Variants in RGS22 observed in about 807,000 individuals in gnomAD.
RGS22 encodes the protein regulator of G-protein signaling 22.
Under a neutral mutation model 172.9 loss-of-function variants are expected in RGS22, and 148 were observed. That is an observed-to-expected ratio of 0.86 (90% CI 0.75 to 0.98). The LOEUF is 0.98. Among genes scored for constraint, RGS22 ranks in the 50% least tolerant of loss-of-function variants. The pLI is 0.00. For missense variants in RGS22, 1,347 were observed against 1,440.8 expected, an observed-to-expected ratio of 0.93 and a Z score of 1.05; for synonymous variants, 458 against 480.2, an observed-to-expected ratio of 0.95 and a Z score of 0.60.
At chr8:99,976,732 G>C (rs530508803) in intron 23 of RGS22, among the ~76,000 whole-genome samples, 1 of 152,190 alleles carries the variant, frequency 6.6e-6, no homozygotes, top group Admixed American at 6.5e-5. Flanking sequence ...TATAGGGAGG[G>C]TTATAGAACT....
intron 23 of RGS22, among the ~76,000 whole-genome samples, chr8:99,969,863 T>C (rs1013300484): frequency 5.9e-5 from 9 of 152,134 alleles, no homozygotes; most frequent in African/African-American, 2.2e-4. Context: ...GATTGAACTC[T>C]GCTCTGGACC....
intron 6 of RGS22, among the ~76,000 whole-genome samples, chr8:100,070,044 A>AAAAAAC (rs1554633002): frequency 7.7e-6 from 1 of 130,700 alleles, no homozygotes; most frequent in African/African-American, 2.6e-5. Flanking sequence ...AAAAAAAAAA[A>AAAAAAC]AAAACAAAAC....
intron 14 of RGS22, among the ~76,000 whole-genome samples, chr8:100,023,044 G>A (rs1817788923): frequency 6.6e-6 from 1 of 151,964 alleles, no homozygotes; most frequent in Non-Finnish European, 1.5e-5. Flanking sequence ...TAAAATTTCT[G>A]GCTTGGGAAA....
intron 17 of RGS22, 148 bp downstream of exon 17, chr8:100,003,778 A>C (rs1465639042): frequency 2.6e-5 from 16 of 617,502 alleles, no homozygotes; most frequent in Non-Finnish European, 4.1e-5. Flanking sequence ...AAAGTTACCC[A>C]TACAGATTTC....
At chr8:99,971,703 A>C (rs1053369189) in intron 23 of RGS22, among the ~76,000 whole-genome samples, 10 of 152,210 alleles carry the variant, frequency 6.6e-5, no homozygotes, top group Admixed American at 3.3e-4. Context: ...AGAACTACAA[A>C]CCACTGCTCA....
rs1338159729 is a variant in RGS22 at position 100,006,055 on chromosome 8, G to A, written c.2416C>T (p.Gln806Ter). Residue 806 changes from glutamine (Q) to a stop codon, truncating the protein, a stop_gained, in exon 16 of 28, where the codon CAG becomes TAG. Coordinates refer to ENST00000360863, the MANE Select transcript of RGS22 (RefSeq NM_015668.5). LOFTEE classifies it high-confidence loss of function. ...GAAAATGTCTCTTTATGCAAAGCCT[G>A]TAGCTTTCTGAAGTATGTGGAGTCT... ...QLDSTYFRKL[Q>*]ALHKETFSKK... 1 of 1,613,456 alleles carries A rather than the reference G, an allele frequency of 6.2e-7. No individual in the cohort carries two copies. Among genetic ancestry groups the A allele is most frequent in the South Asian group, 1.1e-5 (1 of 90,990 alleles).
At chr8:100,090,381 G>C (rs2131977034) in intron 3 of RGS22, among the ~76,000 whole-genome samples, 1 of 152,098 alleles carries the variant, frequency 6.6e-6, no homozygotes, top group African/African-American at 2.4e-5. Flanking sequence ...GGCTAGGGGA[G>C]GCAGGAAAGA....
intron 2 of RGS22, among the ~76,000 whole-genome samples, chr8:100,102,361 G>C (rs1251854781): frequency 2.0e-5 from 3 of 152,184 alleles, no homozygotes; most frequent in African/African-American, 7.2e-5. Flanking sequence ...CAATGGGTCT[G>C]ATATCTACCA....
chr8:100,055,128 T>C (rs565249144), intron 9 of RGS22, among the ~76,000 whole-genome samples: 3 of 152,298 alleles, frequency 2.0e-5, no homozygotes, highest in Non-Finnish European at 2.9e-5. Flanking sequence ...TGCCACCTGC[T>C]AATTGTAGAG....
intron 2 of RGS22, among the ~76,000 whole-genome samples, chr8:100,098,495 A>T (rs887845440): frequency 6.6e-6 from 1 of 152,212 alleles, no homozygotes; most frequent in Non-Finnish European, 1.5e-5. Flanking sequence ...AAGCCCGCAT[A>T]TCAGATCCCC....
intron 3 of RGS22, among the ~76,000 whole-genome samples, chr8:100,086,784 C>G (rs1812197638): frequency 6.6e-6 from 1 of 152,122 alleles, no homozygotes; most frequent in Admixed American, 6.5e-5. Context: ...GGAAGGAGCT[C>G]AGCACTCTGA....
rs1449564951 is a variant in RGS22 at position 100,064,026 on chromosome 8, C to T, written c.742G>A (p.Asp248Asn). The change falls in exon 8 of 28, where the codon GAT becomes AAT. Residue 248 changes from aspartate (D) to asparagine (N), a missense_variant. By Grantham distance (23) the Asp-to-Asn change is conservative. Coordinates refer to ENST00000360863, the MANE Select transcript of RGS22 (RefSeq NM_015668.5). The part of the protein sequence containing the change: ...SSVSENFIFD[D>N]GVHPRTKKDP... ...TTTTTTGTCCTAGGGTGAACTCCAT[C>T]ATCAAAGATAAAATTCTCTGTATTA... is the stretch of plus-strand genomic sequence containing the variant. 5 of 1,508,742 alleles carry T rather than the reference C, an allele frequency of 3.3e-6. No homozygotes were observed. The highest frequency in any genetic ancestry group is 4.6e-5 in the Admixed American group (2 of 43,626). 93.5% of individuals were successfully genotyped at this position (1,508,742 alleles called of 1,614,324 possible).
At chr8:99,999,976 G>C (rs1260591906) in intron 18 of RGS22, among the ~76,000 whole-genome samples, 1 of 152,200 alleles carries the variant, frequency 6.6e-6, no homozygotes, top group African/African-American at 2.4e-5. Context: ...TGTAGTGATA[G>C]CAATGTAGGG....
In RGS22 at chr8:100,084,151, A is replaced by G. The variant is rs540786489; in HGVS notation, c.118-3796T>C. On this transcript the variant is annotated intron_variant, in intron 3 of 27. Coordinates refer to ENST00000360863, the MANE Select transcript of RGS22 (RefSeq NM_015668.5). ...CACGCCCGGCCACATAATTTTAGTT[A>G]AGGCTTACTGTGGATGCTGTGGACT... Among the ~76,000 whole-genome samples the G allele has an allele frequency of 4.6e-5, 7 of 152,262 alleles. No homozygotes were observed. In the South Asian group the frequency reaches 1.5e-3, roughly 32 times the overall value.
intron 19 of RGS22, 141 bp downstream of exon 19, chr8:99,999,121 T>C: frequency 1.4e-6 from 1 of 689,934 alleles, no homozygotes; most frequent in South Asian, 2.1e-5. Flanking sequence ...ATCACACCAC[T>C]GCACTTCAGA....
intron 3 of RGS22, among the ~76,000 whole-genome samples, chr8:100,091,263 G>A (rs149324958): frequency 6.7e-6 from 1 of 149,522 alleles, no homozygotes; most frequent in African/African-American, 2.5e-5. Flanking sequence ...GGTAGACTGT[G>A]TGATCCTGAA....
chr8:100,008,835 T>C (rs548482525), intron 14 of RGS22, among the ~76,000 whole-genome samples: 1 of 152,368 alleles, frequency 6.6e-6, no homozygotes, highest in African/African-American at 2.4e-5. Flanking sequence ...CTAAATATTA[T>C]TATGGTAAAT....
chr8:99,963,856 T>C (rs1588856829), intron 24 of RGS22, among the ~76,000 whole-genome samples: 1 of 152,226 alleles, frequency 6.6e-6, no homozygotes, highest in Non-Finnish European at 1.5e-5. Context: ...GAGGAACAAC[T>C]GTATAGGGCA....
At chr8:100,037,303 A>G (rs1417023768) in intron 14 of RGS22, among the ~76,000 whole-genome samples, 1 of 152,220 alleles carries the variant, frequency 6.6e-6, no homozygotes, top group East Asian at 1.9e-4. Flanking sequence ...CTAAAAAAGT[A>G]AATAAATAAA....
Sources: allele counts gnomAD v4.1 joint callset (sites outside exome capture counted in the v4.1 genomes callset), GRCh38; gene constraint gnomAD v4.1.1; transcripts MANE v1.5; gene names NCBI Gene and HGNC (gene_info 2026-07-23, HGNC 2026-07-21).